BCL2L13: variants seen among roughly 807,000 people sequenced by gnomAD.
BCL2L13 encodes BCL2 like 13.
Under a neutral mutation model 25.8 loss-of-function variants are expected in BCL2L13, and 13 were observed. The ratio of observed to expected loss-of-function variants is 0.50; its 90% CI spans 0.33 to 0.80. The LOEUF (loss-of-function observed/expected upper bound fraction) is 0.80, where lower values mean the gene tolerates loss of function less well. Ranked by LOEUF, BCL2L13 falls within the 30% of genes least tolerant of loss-of-function variation. The pLI, the probability that BCL2L13 is intolerant of heterozygous loss-of-function variation, is 0.02. For synonymous variants in BCL2L13, 244 were observed against 230.3 expected (o/e 1.06, Z -0.54); for missense variants, 504 against 574.9 (o/e 0.88, Z 1.26).
intron 6 of BCL2L13, among the ~76,000 whole-genome samples, chr22:17,710,933 A>G (rs2060739912): frequency 6.6e-6 from 1 of 152,212 alleles, no homozygotes; most frequent in African/African-American, 2.4e-5. Flanking sequence ...CTTTTAAACA[A>G]TATATTACGC....
intron 1 of BCL2L13, among the ~76,000 whole-genome samples, chr22:17,642,254 CTG>C (rs1359027062): frequency 6.7e-6 from 1 of 150,156 alleles, no homozygotes; most frequent in African/African-American, 2.5e-5. Flanking sequence ...TAGACTGAGA[CTG>C]TAACTCAGTC....
intron 2 of BCL2L13, among the ~76,000 whole-genome samples, chr22:17,672,750 CAA>C (rs2059453684): frequency 6.6e-6 from 1 of 152,182 alleles, no homozygotes; most frequent in Non-Finnish European, 1.5e-5. Context: ...ACATTAGTCT[CAA>C]GAGAATAAGC....
chr22:17,635,951 C>T (rs1390199913), upstream of BCL2L13, among the ~76,000 whole-genome samples: 8 of 151,916 alleles, frequency 5.3e-5, no homozygotes, highest in East Asian at 5.9e-4. Flanking sequence ...CCTCGTGATC[C>T]GTCCCCCTTG....
intron 6 of BCL2L13, among the ~76,000 whole-genome samples, chr22:17,710,046 G>T (rs918743339): frequency 1.5e-5 from 2 of 130,560 alleles, no homozygotes; most frequent in African/African-American, 5.9e-5. Flanking sequence ...CTCCAGCCTG[G>T]GTAACAGTAA....
chr22:17,657,997 A>AT (rs1346413563), intron 2 of BCL2L13, among the ~76,000 whole-genome samples: 1 of 145,768 alleles, frequency 6.9e-6, no homozygotes, highest in Non-Finnish European at 1.5e-5. Flanking sequence ...AATTTTTGAA[A>AT]TTTTAGTAGA....
chr22:17,681,442 T>G (rs2059752777), intron 2 of BCL2L13, among the ~76,000 whole-genome samples: 1 of 148,740 alleles, frequency 6.7e-6, no homozygotes, highest in Non-Finnish European at 1.5e-5. Context: ...GAGCTTACAG[T>G]GAGCAGAGCT....
At chr22:17,708,318 C>A (rs915904924) in intron 6 of BCL2L13, among the ~76,000 whole-genome samples, 9 of 152,116 alleles carry the variant, frequency 5.9e-5, no homozygotes, top group African/African-American at 1.9e-4. Flanking sequence ...TCAGGGACTT[C>A]ATCTAAGAGG....
intron 6 of BCL2L13, among the ~76,000 whole-genome samples, chr22:17,712,469 T>C (rs1030399409): frequency 6.6e-6 from 1 of 152,224 alleles, no homozygotes; most frequent in African/African-American, 2.4e-5. Flanking sequence ...AAATGGGAAC[T>C]TTGTGCTACC....
intron 1 of BCL2L13, among the ~76,000 whole-genome samples, chr22:17,654,261 G>T (rs1466180578): frequency 6.6e-6 from 1 of 151,740 alleles, no homozygotes; most frequent in East Asian, 1.9e-4. Flanking sequence ...TGCACCAGAT[G>T]CCTGGCTAAT....
In BCL2L13 at chr22:17,728,129, C is replaced by T. The variant is rs115606729; in HGVS notation, c.*595C>T. 0.017 allele frequency: 2,686 copies of T among 155,044 alleles called. 37 individuals are homozygous for T. Among genetic ancestry groups the T allele is most frequent in the Middle Eastern group, 0.062 (18 of 292 alleles). 9.6% of individuals were successfully genotyped at this position (155,044 alleles called of 1,614,324 possible). ...CTGCACCCACTCTTTTTTTGCCCCC[C>T]GCCCTCATCCTGGAGTGTGAGGGTG... On this transcript the variant is annotated 3_prime_UTR_variant, in exon 7 of 7. Transcript: ENST00000317582.
chr22:17,706,791 C>T, intron 6 of BCL2L13: 1 of 1,352,112 alleles, frequency 7.4e-7, no homozygotes, highest in Non-Finnish European at 9.8e-7. Flanking sequence ...AGAAGTCTGT[C>T]TGTCTCCTGG....
chr22:17,648,054 C>T (rs1366357214), intron 1 of BCL2L13, among the ~76,000 whole-genome samples: 1 of 151,676 alleles, frequency 6.6e-6, no homozygotes, highest in Non-Finnish European at 1.5e-5. Flanking sequence ...CGCTTGAACC[C>T]AGGAGGCGAA....
chr22:17,697,623 C>T (rs777799143), intron 5 of BCL2L13, among the ~76,000 whole-genome samples: 1 of 152,040 alleles, frequency 6.6e-6, no homozygotes, highest in Non-Finnish European at 1.5e-5. Context: ...AGCATATTAT[C>T]AGGCACCATA....
intron 4 of BCL2L13, among the ~76,000 whole-genome samples, chr22:17,690,898 AGTT>A (rs2145634277): frequency 6.6e-6 from 1 of 152,312 alleles, no homozygotes; most frequent in South Asian, 2.1e-4. Flanking sequence ...GATTTACAGC[AGTT>A]GTTTTCAAAA....
chr22:17,683,317 T>A lies in BCL2L13; in HGVS notation c.225T>A (p.Ser75=). 6.6e-7 allele frequency: 1 copy of A among 1,514,012 alleles called. No individual in the cohort carries two copies. Among genetic ancestry groups the A allele is most frequent in the Non-Finnish European group, 9.1e-7 (1 of 1,104,058 alleles). The allele number at this position is 1,514,012 out of a possible 1,614,324, so 93.8% of individuals were successfully genotyped here. The part of the protein sequence containing the change: ...EELKSLDKEI[S]EAFTSTGFDR... ...TAAAATCTCTGGACAAAGAAATTTCTGAAGGTCTGTTTATTCTTATTTTTC... is the reference window on the plus strand; with the variant it reads ...TAAAATCTCTGGACAAAGAAATTTCAGAAGGTCTGTTTATTCTTATTTTTC... The change falls in exon 3 of 7, where the codon TCT becomes TCA. Residue 75 remains serine (S), a synonymous_variant. Coordinates refer to ENST00000317582, the MANE Select transcript of BCL2L13 (RefSeq NM_015367.4).
chr22:17,729,514 A>G lies in BCL2L13; in HGVS notation c.*1980A>G, dbSNP rs1006382807. The G allele has an allele frequency of 6.6e-5, 10 of 152,214 alleles. No individual in the cohort carries two copies. Among genetic ancestry groups the G allele is most frequent in the South Asian group, 2.1e-4 (1 of 4,832 alleles). The allele number at this position is 152,214 out of a possible 1,614,324, so 9.4% of individuals were successfully genotyped here. On this transcript the variant is annotated 3_prime_UTR_variant, in exon 7 of 7. Coordinates refer to ENST00000317582, the MANE Select transcript of BCL2L13 (RefSeq NM_015367.4). Reference sequence around the variant, plus strand: ...TGATTTTTAAAAAGTAATAAATCCTATGAGTTCCAGTATTAACACTTGCCA... The same window carrying G: ...TGATTTTTAAAAAGTAATAAATCCTGTGAGTTCCAGTATTAACACTTGCCA...
chr22:17,658,472 C>T (rs1455331377), intron 2 of BCL2L13, among the ~76,000 whole-genome samples: 3 of 151,950 alleles, frequency 2.0e-5, no homozygotes, highest in East Asian at 3.9e-4. Flanking sequence ...GCGGGCGGAT[C>T]GCCTGAGGTC....
rs375002134 is a variant in BCL2L13 at position 17,682,081 on chromosome 22, T to C, written c.122-1133T>C. On this transcript the variant is annotated intron_variant, in intron 2 of 6. Coordinates refer to ENST00000317582, the MANE Select transcript of BCL2L13 (RefSeq NM_015367.4). Reference sequence around the variant, plus strand: ...AAAACTAACTTGGGTGAAATTGGACTGTCAAATGACAGAGGTACTGCTTTC... The same window carrying C: ...AAAACTAACTTGGGTGAAATTGGACCGTCAAATGACAGAGGTACTGCTTTC... 3.7e-4 allele frequency among the ~76,000 whole-genome samples: 56 copies of C among 152,384 alleles called. 2 individuals are homozygous for C. The Middle Eastern group carries it at 0.017, about 46-fold the overall frequency.
At chr22:17,652,900 TA>T (rs1334034000) in intron 1 of BCL2L13, among the ~76,000 whole-genome samples, 1 of 151,560 alleles carries the variant, frequency 6.6e-6, no homozygotes, top group Non-Finnish European at 1.5e-5. Context: ...CTGTCTCTAC[TA>T]AAAAATACAA....
Sources: allele counts gnomAD v4.1 joint callset (sites outside exome capture counted in the v4.1 genomes callset), GRCh38; gene constraint gnomAD v4.1.1; transcripts MANE v1.5; gene names NCBI Gene and HGNC (gene_info 2026-07-23, HGNC 2026-07-21).